ATP10B: variants seen among roughly 807,000 people sequenced by gnomAD.
The protein encoded by ATP10B is phospholipid-transporting ATPase VB.
In ATP10B, 122 loss-of-function variants were observed where a neutral mutation model predicts 141.2. That is an observed-to-expected ratio of 0.86 (90% confidence interval 0.75 to 1.00). The LOEUF is 1.00. Among genes scored for constraint, ATP10B ranks in the 50% least tolerant of loss-of-function variants. ATP10B has a pLI of 0.00. For missense variants in ATP10B, 1,876 were observed against 1,825.3 expected, an observed-to-expected ratio of 1.03 and a Z score of -0.51; for synonymous variants, 685 against 692.0, an observed-to-expected ratio of 0.99 and a Z score of 0.16.
intron 7 of ATP10B, among the ~76,000 whole-genome samples, chr5:160,654,470 A>G (rs981940493): frequency 6.6e-6 from 1 of 152,154 alleles, no homozygotes; most frequent in Non-Finnish European, 1.5e-5. Context: ...CCATTAAGAC[A>G]CAGGAAAAGA....
At chr5:160,921,654 C>T in the ATP10B span, among the ~76,000 whole-genome samples, 1 of 152,218 alleles carries the variant, frequency 6.6e-6, no homozygotes, top group African/African-American at 2.4e-5. Flanking sequence ...TTAAAGTAGT[C>T]TTCCTTTTAA....
chr5:160,741,827 T>C (rs1043556924), intron 2 of ATP10B, among the ~76,000 whole-genome samples: 3 of 152,166 alleles, frequency 2.0e-5, no homozygotes, highest in Admixed American at 6.5e-5. Flanking sequence ...CTGTGCAGGG[T>C]CTTTTCATAT....
At chr5:160,598,401 C>T (rs1253917193) in intron 22 of ATP10B, among the ~76,000 whole-genome samples, 1 of 151,562 alleles carries the variant, frequency 6.6e-6, no homozygotes, top group South Asian at 2.1e-4. Flanking sequence ...GTGGGGGGAG[C>T]AGGGAGGGAT....
At chr5:160,904,748 G>A in the ATP10B span, among the ~76,000 whole-genome samples, 1 of 152,182 alleles carries the variant, frequency 6.6e-6, no homozygotes, top group Non-Finnish European at 1.5e-5. Context: ...GAACGTGGGG[G>A]CTGGTGGCAC....
the ATP10B span, among the ~76,000 whole-genome samples, chr5:160,896,662 A>G: frequency 6.6e-6 from 1 of 152,218 alleles, no homozygotes; most frequent in South Asian, 2.1e-4. Flanking sequence ...TCCAAACAAT[A>G]GAAAAAGAGG....
the ATP10B span, among the ~76,000 whole-genome samples, chr5:160,907,371 C>A: frequency 6.7e-6 from 1 of 149,948 alleles, no homozygotes; most frequent in Non-Finnish European, 1.5e-5. Flanking sequence ...TCTTTACCTG[C>A]ATTATCCTAT....
chr5:160,644,242 T>C lies in ATP10B; in HGVS notation c.764A>G (p.Glu255Gly), dbSNP rs1250926351. The C allele has an allele frequency of 1.2e-6, 2 of 1,612,882 alleles. No homozygotes were observed. The highest frequency in any genetic ancestry group is 8.5e-7 in the Non-Finnish European group (1 of 1,179,100). Residue 255 changes from glutamate (E) to glycine (G), a missense_variant and splice_region_variant, in exon 9 of 26, where the codon GAG (glutamate) becomes GGG (glycine). Transcript: ENST00000327245. ...NHLNKFKGYM[E>G]HPDQTRTGFG... ...GCCAGTCCTGGTCTGGTCAGGATGC[T>C]CCCTGGGGATGATGAATAAAAGACA...
chr5:160,772,123 C>CT (rs1769949382), intron 2 of ATP10B, among the ~76,000 whole-genome samples: 3 of 152,234 alleles, frequency 2.0e-5, no homozygotes. Context: ...GATTTCAAAT[C>CT]TTTTGGGTTA....
chr5:160,772,372 A>G (rs1769968153), intron 2 of ATP10B, among the ~76,000 whole-genome samples: 1 of 152,088 alleles, frequency 6.6e-6, no homozygotes, highest in Admixed American at 6.5e-5. Context: ...TTCCTCCTGA[A>G]CACTGTGCCT....
the ATP10B span, among the ~76,000 whole-genome samples, chr5:160,882,988 A>C: frequency 6.6e-6 from 1 of 152,314 alleles, no homozygotes; most frequent in Admixed American, 6.5e-5. Flanking sequence ...CACAAAAATA[A>C]ATCTAAAATG....
chr5:160,872,017 G>C, the ATP10B span, among the ~76,000 whole-genome samples: 1 of 152,068 alleles, frequency 6.6e-6, no homozygotes, highest in Admixed American at 6.5e-5. Flanking sequence ...CACCAGCAGT[G>C]TAGAAGTGTT....
At chr5:160,580,172 C>T (rs1319154322) in intron 24 of ATP10B, among the ~76,000 whole-genome samples, 1 of 152,156 alleles carries the variant, frequency 6.6e-6, no homozygotes, top group Non-Finnish European at 1.5e-5. Context: ...TGCCTGATTG[C>T]CCTGGCCAGA....
intron 1 of ATP10B, among the ~76,000 whole-genome samples, chr5:160,798,944 G>A (rs370642784): frequency 9.3e-4 from 141 of 151,936 alleles, no homozygotes; most frequent in Middle Eastern, 3.4e-3. Flanking sequence ...TCGAGATGGG[G>A]TTTCACCATG....
intron 6 of ATP10B, among the ~76,000 whole-genome samples, chr5:160,675,043 G>T (rs1318490021): frequency 6.6e-6 from 1 of 152,334 alleles, no homozygotes; most frequent in African/African-American, 2.4e-5. Context: ...TCAGTCAGGG[G>T]AGGTGATGAC....
chr5:160,817,859 T>C (rs1773777782), intron 1 of ATP10B, among the ~76,000 whole-genome samples: 1 of 152,190 alleles, frequency 6.6e-6, no homozygotes, highest in Non-Finnish European at 1.5e-5. Flanking sequence ...TCTACAGCCA[T>C]CTGATCTTTG....
the ATP10B span, among the ~76,000 whole-genome samples, chr5:160,876,581 A>C: frequency 1.3e-5 from 2 of 151,068 alleles, no homozygotes; most frequent in Non-Finnish European, 3.0e-5. Context: ...CCTTCAAAAA[A>C]TTAATGAATC....
intron 1 of ATP10B, among the ~76,000 whole-genome samples, chr5:160,812,020 C>CACACAGAGAGAGAGAGAGAGAGAGAG (rs1211580744): frequency 9.0e-6 from 1 of 111,420 alleles, no homozygotes; most frequent in Non-Finnish European, 2.0e-5. Flanking sequence ...GAGACAGAGA[C>CACACAGAGAGAGAGAGAGAGAGAGAG]AGAGAGAGAG....
intron 23 of ATP10B, 74 bp downstream of exon 23, chr5:160,590,985 G>C (rs1400113947): frequency 1.5e-6 from 2 of 1,295,072 alleles, no homozygotes; most frequent in Non-Finnish European, 2.2e-6. Flanking sequence ...GACACTACTG[G>C]TCTGGAACTT....
At position 160,833,197 on chromosome 5, in the gene ATP10B, G is replaced by C. The variant is rs1248771726; in HGVS notation, c.-576+18744C>G. On this transcript the variant is annotated intron_variant, in intron 1 of 25. Coordinates refer to ENST00000327245, the MANE Select transcript of ATP10B (RefSeq NM_025153.3). ...AAATATACTACCTCAAAAGTTTATG[G>C]TTGTGCTATAAGAGGAGAGAGCAAG... 3.3e-5 allele frequency among the ~76,000 whole-genome samples: 5 copies of C among 152,298 alleles called. No homozygotes were observed. In the East Asian group the frequency reaches 9.6e-4, roughly 29 times the overall value.
Sources: gnomAD v4.1 joint callset for allele counts (sites outside exome capture counted in the v4.1 genomes callset) on GRCh38, gnomAD v4.1.1 for gene constraint, MANE v1.5 for transcripts, NCBI Gene and HGNC (gene_info 2026-07-23, HGNC 2026-07-21) for gene names.